SLAIN1: variants seen among roughly 807,000 people sequenced by gnomAD.
The protein encoded by SLAIN1 is SLAIN motif-containing protein 1.
A neutral mutation model predicts 55.4 loss-of-function variants in SLAIN1; 17 were observed. The ratio of observed to expected loss-of-function variants is 0.31; its 90% CI spans 0.21 to 0.46. The LOEUF (loss-of-function observed/expected upper bound fraction) is 0.46, where lower values mean the gene tolerates loss of function less well. Ranked by LOEUF, SLAIN1 falls within the 20% of genes least tolerant of loss-of-function variation. The pLI is 1.00. For missense variants in SLAIN1, 682 were observed against 785.1 expected, an observed-to-expected ratio of 0.87 and a Z score of 1.57; for synonymous variants, 348 against 337.4, an observed-to-expected ratio of 1.03 and a Z score of -0.35.
chr13:77,712,863 T>C (rs1225196076), intron 1 of SLAIN1, among the ~76,000 whole-genome samples: 4 of 152,068 alleles, frequency 2.6e-5, no homozygotes, highest in African/African-American at 9.7e-5. Flanking sequence ...AAAACAGATA[T>C]ATAGACCAAT....
At chr13:77,715,735 T>G (rs368257310) in intron 1 of SLAIN1, among the ~76,000 whole-genome samples, 1 of 152,170 alleles carries the variant, frequency 6.6e-6, no homozygotes, top group Non-Finnish European at 1.5e-5. Flanking sequence ...TCTTCTTTGG[T>G]GAAATGTGTA....
intron 5 of SLAIN1, among the ~76,000 whole-genome samples, chr13:77,756,370 C>G (rs952049504): frequency 6.6e-6 from 1 of 151,900 alleles, no homozygotes; most frequent in African/African-American, 2.4e-5. Context: ...TGACTCAGGT[C>G]TTTAATATCA....
intron 2 of SLAIN1, among the ~76,000 whole-genome samples, chr13:77,735,290 G>A (rs772410229): frequency 5.3e-5 from 8 of 152,084 alleles, no homozygotes; most frequent in Admixed American, 6.6e-5. Flanking sequence ...TCGGGCATCT[G>A]AATTCTTACT....
chr13:77,726,567 G>A (rs2091309836), intron 2 of SLAIN1, among the ~76,000 whole-genome samples: 1 of 152,034 alleles, frequency 6.6e-6, no homozygotes, highest in African/African-American at 2.4e-5. Context: ...AGCTGGGACT[G>A]CAGATGTATG....
intron 1 of SLAIN1, among the ~76,000 whole-genome samples, chr13:77,710,360 C>T (rs1276015623): frequency 1.3e-5 from 2 of 151,556 alleles, no homozygotes; most frequent in African/African-American, 4.9e-5. Flanking sequence ...CACATATAGG[C>T]TCAAAATAAA....
intron 6 of SLAIN1, among the ~76,000 whole-genome samples, chr13:77,762,036 T>C (rs747298201): frequency 3.3e-5 from 5 of 152,212 alleles, no homozygotes; most frequent in Non-Finnish European, 7.3e-5. Context: ...TTTTGTTTTG[T>C]TTGTTTAGAA....
At chr13:77,730,875 G>A (rs1375955114) in intron 2 of SLAIN1, among the ~76,000 whole-genome samples, 1 of 152,108 alleles carries the variant, frequency 6.6e-6, no homozygotes, top group African/African-American at 2.4e-5. Flanking sequence ...GGGAAAACAA[G>A]CAATTAAATC....
intron 2 of SLAIN1, among the ~76,000 whole-genome samples, chr13:77,738,072 G>A (rs1004821531): frequency 6.6e-5 from 10 of 151,976 alleles, no homozygotes; most frequent in African/African-American, 2.4e-4. Flanking sequence ...AGATATTTAG[G>A]TAACTGCTTG....
chr13:77,708,294 A>C (rs1693169846), intron 1 of SLAIN1, among the ~76,000 whole-genome samples: 1 of 152,192 alleles, frequency 6.6e-6, no homozygotes, highest in South Asian at 2.1e-4. Context: ...AGTGAATGGG[A>C]GTATCTGGAA....
chr13:77,751,584 G>C (rs1315080624), intron 4 of SLAIN1, among the ~76,000 whole-genome samples: 1 of 152,218 alleles, frequency 6.6e-6, no homozygotes, highest in Non-Finnish European at 1.5e-5. Context: ...AAGTGAGGTT[G>C]GGTGTCCACA....
chr13:77,718,017 A>G (rs1329128139), intron 1 of SLAIN1, among the ~76,000 whole-genome samples: 2 of 152,084 alleles, frequency 1.3e-5, no homozygotes, highest in Non-Finnish European at 2.9e-5. Context: ...TTGCCATAGT[A>G]GGACTGAGCT....
intron 2 of SLAIN1, among the ~76,000 whole-genome samples, chr13:77,736,529 CCT>C (rs887414892): frequency 1.2e-4 from 18 of 152,176 alleles, no homozygotes; most frequent in Non-Finnish European, 2.5e-4. Flanking sequence ...CTACAGCCCC[CCT>C]CTTTTTTTAA....
rs558244059 is a variant in SLAIN1 at position 77,752,829 on chromosome 13, T to C, written c.1259-374T>C. On this transcript the variant is annotated intron_variant, in intron 4 of 6. Transcript: ENST00000418532. ...CCTTCTGCATTCTTCTGCGCTTTTA[T>C]CCTAGCCATGCTGGCAGCTGATTAG... 8.7e-4 allele frequency among the ~76,000 whole-genome samples: 133 copies of C among 152,318 alleles called. 1 individual carries two copies. Among genetic ancestry groups the C allele is most frequent in the Non-Finnish European group, 1.6e-4 (11 of 68,018 alleles).
At chr13:77,703,364 A>G (rs1349616961) in intron 1 of SLAIN1, among the ~76,000 whole-genome samples, 1 of 152,176 alleles carries the variant, frequency 6.6e-6, no homozygotes, top group Admixed American at 6.6e-5. Context: ...CTTGTGCTAT[A>G]CATATGGCAC....
At chr13:77,716,767 T>C (rs2091211965) in intron 1 of SLAIN1, among the ~76,000 whole-genome samples, 1 of 152,166 alleles carries the variant, frequency 6.6e-6, no homozygotes, top group African/African-American at 2.4e-5. Context: ...CTATTATCAT[T>C]TTTGTAGATT....
At position 77,699,260 on chromosome 13, in the gene SLAIN1, T is replaced by C. The variant is rs184919405; in HGVS notation, c.626+721T>C. 5.9e-5 allele frequency: 21 copies of C among 357,310 alleles called. No homozygotes were observed. In the East Asian group the frequency reaches 9.1e-4, roughly 16 times the overall value. 22.1% of individuals were successfully genotyped at this position (357,310 alleles called of 1,614,324 possible). A position where few individuals can be genotyped will look rare whatever the true frequency, so the allele number is the denominator to read the frequency against. Reference sequence around the variant, plus strand: ...TTTTTTATTTATTTATTTATTTTTTTACCTAGGAACCAACGAACTGTCTTT... The same window carrying C: ...TTTTTTATTTATTTATTTATTTTTTCACCTAGGAACCAACGAACTGTCTTT... On this transcript the variant is annotated intron_variant, in intron 1 of 6. Coordinates refer to ENST00000418532, the MANE Select transcript of SLAIN1 (RefSeq NM_001242868.2).
intron 2 of SLAIN1, among the ~76,000 whole-genome samples, chr13:77,733,627 C>G (rs557138855): frequency 6.6e-6 from 1 of 152,236 alleles, no homozygotes; most frequent in Non-Finnish European, 1.5e-5. Flanking sequence ...TTGATTGAAT[C>G]GTCCCTAAGA....
intron 4 of SLAIN1, among the ~76,000 whole-genome samples, chr13:77,748,348 C>G (rs561378500): frequency 7.2e-6 from 1 of 139,054 alleles, no homozygotes; most frequent in East Asian, 2.4e-4. Flanking sequence ...TAGTGGAAGT[C>G]ATAACATCTT....
chr13:77,751,611 C>T (rs1257816535), intron 4 of SLAIN1, among the ~76,000 whole-genome samples: 2 of 152,202 alleles, frequency 1.3e-5, no homozygotes, highest in Non-Finnish European at 2.9e-5. Context: ...GACCAGCCTG[C>T]TCACAGGTAT....
Sources: gnomAD v4.1 joint callset for allele counts (sites outside exome capture counted in the v4.1 genomes callset) on GRCh38, gnomAD v4.1.1 for gene constraint, MANE v1.5 for transcripts, NCBI Gene and HGNC (gene_info 2026-07-23, HGNC 2026-07-21) for gene names.